Variants in TRIM62 observed in about 807,000 individuals in gnomAD.
TRIM62 encodes the protein E3 ubiquitin-protein ligase TRIM62.
In TRIM62, 39 loss-of-function variants were observed where a neutral mutation model predicts 44.2. The observed-to-expected ratio is 0.88, with a 90% CI of 0.68 to 1.15. The LOEUF is 1.15. TRIM62 is among the 50% of genes most tolerant of loss of function. TRIM62 has a pLI of 0.00. For synonymous variants in TRIM62, 278 were observed against 292.3 expected (o/e 0.95, Z 0.50); for missense variants, 544 against 665.5 (o/e 0.82, Z 2.01).
chr1:33,172,131 T>TG (rs950414179), intron 1 of TRIM62, among the ~76,000 whole-genome samples: 1 of 152,232 alleles, frequency 6.6e-6, no homozygotes, highest in African/African-American at 2.4e-5. Context: ...AGGCTTGCTC[T>TG]GGGAATGAAA....
intron 1 of TRIM62, chr1:33,176,439 G>A: frequency 1.4e-6 from 1 of 697,832 alleles, no homozygotes; most frequent in Non-Finnish European, 2.6e-6. Context: ...ATCCACTGCT[G>A]TCTTCTCTGG....
At position 33,158,168 on chromosome 1, in the gene TRIM62, G is replaced by A. The variant is rs558526355; in HGVS notation, c.877+85C>T. 4.0e-6 allele frequency: 5 copies of A among 1,261,926 alleles called. No individual in the cohort carries two copies. In the East Asian group the frequency reaches 7.0e-5, roughly 18 times the overall value. The allele number at this position is 1,261,926 out of a possible 1,614,324, so 78.2% of individuals were successfully genotyped here. A position where few individuals can be genotyped will look rare whatever the true frequency, so the allele number is the denominator to read the frequency against. On this transcript the variant is annotated intron_variant, in intron 4 of 4. Transcript: ENST00000291416. Reference sequence around the variant, plus strand: ...GGCACTCTGCTCATTCACCCCAACTGCCCCATGCTGTGTTTAGGACAGGGG... The same window carrying A: ...GGCACTCTGCTCATTCACCCCAACTACCCCATGCTGTGTTTAGGACAGGGG...
Position 33,181,433 on chromosome 1 carries a change from G to A in TRIM62, c.-1C>T, listed in dbSNP as rs1201764922. ...GCTCGTCCTTGAGGCTGCACGCCAT[G>A]GCGCCAGGGGCAGCAGAGAGGGGGG... is the stretch of plus-strand genomic sequence containing the variant. On this transcript the variant is annotated 5_prime_UTR_variant, in exon 1 of 5. Coordinates refer to ENST00000291416, the MANE Select transcript of TRIM62 (RefSeq NM_018207.3). The surrounding 1 kb of genome is among the most constrained non-coding windows in gnomAD (Gnocchi z 6.5). 2.5e-6 allele frequency: 4 copies of A among 1,591,568 alleles called. No individual in the cohort carries two copies. The highest frequency in any genetic ancestry group is 1.1e-5 in the South Asian group (1 of 88,742).
chr1:33,160,074 A>C, intron 2 of TRIM62, 130 bp from the exon 3 acceptor site: 1 of 1,179,556 alleles, frequency 8.5e-7, no homozygotes, highest in South Asian at 1.5e-5. Flanking sequence ...GGTGGGGGAA[A>C]TGTCACATGC....
At position 33,145,798 on chromosome 1, in the gene TRIM62, C is replaced by T; in HGVS notation, c.*1379G>A. The T allele has an allele frequency of 2.1e-6, 1 of 465,304 alleles. No individual in the cohort carries two copies. The highest frequency in any genetic ancestry group is 1.6e-5 in the South Asian group (1 of 63,482). The allele number at this position is 465,304 out of a possible 1,614,324, so 28.8% of individuals were successfully genotyped here. The stretch of plus-strand genomic sequence containing the variant: ...ACTCCACCCTCTCCCGAGTTCTTCA[C>T]GATTGGATGCTGTGGCAGAAAAACG... On this transcript the variant is annotated 3_prime_UTR_variant, in exon 5 of 5. Coordinates refer to ENST00000291416, the MANE Select transcript of TRIM62 (RefSeq NM_018207.3).
chr1:33,181,036 C>T lies in TRIM62; in HGVS notation c.397G>A (p.Asp133Asn). 2 of 1,461,216 alleles carry T rather than the reference C, an allele frequency of 1.4e-6. No individual in the cohort carries two copies. Among genetic ancestry groups the T allele is most frequent in the Non-Finnish European group, 1.8e-6 (2 of 1,096,394 alleles). 90.5% of individuals were successfully genotyped at this position (1,461,216 alleles called of 1,614,324 possible). A position where few individuals can be genotyped will look rare whatever the true frequency, so the allele number is the denominator to read the frequency against. The change falls in exon 1 of 5, where the codon GAC becomes AAC. Residue 133 changes from aspartate to asparagine, a missense_variant. Asp to Asn is a conservative substitution (Grantham distance 23). Transcript: ENST00000291416. The surrounding 1 kb of genome is among the most constrained non-coding windows in gnomAD (Gnocchi z 6.5). ...GCCGGGTAGCGCACCTGCAGCTCGT[C>T]GAAGGCGTCGTCGATGCCGGTGACC... ...HQVTGIDDAF[D>N]ELQRELKDQL... is the part of the protein sequence containing the mutation.
chr1:33,153,529 T>A (rs943396202), intron 4 of TRIM62, among the ~76,000 whole-genome samples: 1 of 152,180 alleles, frequency 6.6e-6, no homozygotes, highest in African/African-American at 2.4e-5. Context: ...CCACTAAACA[T>A]CCTGCAGAGC....
chr1:33,146,141 A>G lies in TRIM62; in HGVS notation c.*1036T>C, dbSNP rs937748844. The G allele has an allele frequency of 2.3e-5, 6 of 265,162 alleles. No homozygotes were observed. The highest frequency in any genetic ancestry group is 5.0e-5 in the Admixed American group (1 of 19,954). The allele number at this position is 265,162 out of a possible 1,614,324, so 16.4% of individuals were successfully genotyped here. ...CGCTGGGAGTTCCTGGAAATTCAGC[A>G]GAGTCTGCTTCTCCAGCTCTTCCAA... On this transcript the variant is annotated 3_prime_UTR_variant, in exon 5 of 5. Coordinates refer to ENST00000291416, the MANE Select transcript of TRIM62 (RefSeq NM_018207.3).
At chr1:33,180,341 G>C (rs534240376) in intron 1 of TRIM62, among the ~76,000 whole-genome samples, 1 of 152,086 alleles carries the variant, frequency 6.6e-6, no homozygotes, top group South Asian at 2.1e-4. Context: ...CTCTACTCTG[G>C]CTTAAATCTA....
chr1:33,160,890 C>A (rs1365176351), intron 2 of TRIM62, among the ~76,000 whole-genome samples: 1 of 152,216 alleles, frequency 6.6e-6, no homozygotes, highest in Admixed American at 6.5e-5. Context: ...TGTTTATAGA[C>A]AGGATCAGGG....
rs368974828 is a variant in TRIM62, at chr1:33,181,199, G to A, written c.234C>T (p.Phe78=). 71 of 1,588,732 alleles carry A rather than the reference G, an allele frequency of 4.5e-5. No individual in the cohort carries two copies. The East Asian group carries it at 1.2e-3, about 26-fold the overall frequency. ...LANIVERYSS[F]PLDAILNARR... The stretch of plus-strand genomic sequence containing the variant: ...GCGCGTTGAGGATGGCGTCCAGCGG[G>A]AAGGAGCTGTAGCGCTCCACGATGT... The change falls in exon 1 of 5, where the codon TTC becomes TTT. Residue 78 remains phenylalanine (F), a synonymous_variant. Transcript: ENST00000291416. The surrounding 1 kb of genome is among the most constrained non-coding windows in gnomAD (Gnocchi z 6.5).
rs962126988 is a variant in TRIM62, at chr1:33,167,795, C to T, written c.409-2229G>A. On this transcript the variant is annotated intron_variant, in intron 1 of 4. Coordinates refer to ENST00000291416, the MANE Select transcript of TRIM62 (RefSeq NM_018207.3). The surrounding 1 kb of genome is among the most constrained non-coding windows in gnomAD (Gnocchi z 4.2). ...ATTAATTTTACAGACTAGGCAGCAA[C>T]ATGGGAAAATATTCATGATGACATG... 2.6e-5 allele frequency among the ~76,000 whole-genome samples: 4 copies of T among 152,150 alleles called. No homozygotes were observed. The highest frequency in any genetic ancestry group is 5.9e-5 in the Non-Finnish European group (4 of 68,022).
chr1:33,147,199 C>T lies in TRIM62; in HGVS notation c.1406G>A (p.Arg469Gln), dbSNP rs142555750. 1.6e-4 allele frequency: 253 copies of T among 1,613,496 alleles called. No homozygotes were observed. Among genetic ancestry groups the T allele is most frequent in the Non-Finnish European group, 2.0e-4 (232 of 1,179,976 alleles). Residue 469 changes from arginine to glutamine, a missense_variant, in exon 5 of 5, where the codon CGG (arginine) becomes CAG (glutamine). By Grantham distance (43) the Arg-to-Gln change is conservative (BLOSUM62 1). Transcript: ENST00000291416. The surrounding 1 kb of genome is among the most constrained non-coding windows in gnomAD (Gnocchi z 8.1). ...GGACTAGATGCGGACGGTGTTGATCCGCAGCGGCTGAACGTTCTTGCCATT... is the reference window on the plus strand; with the variant it reads ...GGACTAGATGCGGACGGTGTTGATCTGCAGCGGCTGAACGTTCTTGCCATT... Reference protein sequence around the residue: ...HANGKNVQPLRINTVRI With the variant: ...HANGKNVQPLQINTVRI
intron 1 of TRIM62, among the ~76,000 whole-genome samples, chr1:33,173,336 C>T (rs569107716): frequency 1.3e-5 from 2 of 152,216 alleles, no homozygotes; most frequent in Non-Finnish European, 2.9e-5. Context: ...CTTGCCTGCT[C>T]ACATTTGTTT....
At chr1:33,154,684 G>T (rs916867907) in intron 4 of TRIM62, among the ~76,000 whole-genome samples, 10 of 151,654 alleles carry the variant, frequency 6.6e-5, no homozygotes, top group Admixed American at 1.3e-4. Context: ...TGTAATCCCA[G>T]CTACTTGGGA....
At chr1:33,172,256 G>T (rs1351519684) in intron 1 of TRIM62, among the ~76,000 whole-genome samples, 1 of 152,210 alleles carries the variant, frequency 6.6e-6, no homozygotes, top group African/African-American at 2.4e-5. Flanking sequence ...GGAGCTTCAA[G>T]GAAGGAGTTT....
At position 33,181,324 on chromosome 1, in the gene TRIM62, C is replaced by G. The variant is rs757221267; in HGVS notation, c.109G>C (p.Glu37Gln). 6.4e-7 allele frequency: 1 copy of G among 1,573,092 alleles called. No individual in the cohort carries two copies. The highest frequency in any genetic ancestry group is 1.2e-5 in the South Asian group (1 of 86,784). The change falls in exon 1 of 5, where the codon GAG becomes CAG. Residue 37 changes from glutamate to glutamine, a missense_variant. Transcript: ENST00000291416. The surrounding 1 kb of genome is among the most constrained non-coding windows in gnomAD (Gnocchi z 6.5). ...TGCGCCTCCTGCCGCACCCAGTGCT[C>G]CGTGATGCAGCGGCGGCAGAAGTAA... ...EHYFCRRCITEHWVRQEAQGA... is the reference protein window; with the variant it reads ...EHYFCRRCITQHWVRQEAQGA...
In TRIM62 at chr1:33,146,014, G is replaced by A. The variant is rs189172676; in HGVS notation, c.*1163C>T. On this transcript the variant is annotated 3_prime_UTR_variant, in exon 5 of 5. Transcript: ENST00000291416. ...GGACATCTATTGGCTGGCACGGACCGTGGCAGAGGGAGCCTAGTTCTGCAG... is the reference window on the plus strand; with the variant it reads ...GGACATCTATTGGCTGGCACGGACCATGGCAGAGGGAGCCTAGTTCTGCAG... The A allele has an allele frequency of 3.7e-3, 1,553 of 425,188 alleles. 9 individuals carry two copies. Among genetic ancestry groups the A allele is most frequent in the Admixed American group, 7.5e-3 (266 of 35,438 alleles). 26.3% of individuals were successfully genotyped at this position (425,188 alleles called of 1,614,324 possible).
At chr1:33,174,945 G>GTGTATATATATATA (rs1172648170) in intron 1 of TRIM62, among the ~76,000 whole-genome samples, 9 of 141,750 alleles carry the variant, frequency 6.3e-5, no homozygotes, top group African/African-American at 2.5e-4. Context: ...ATATATGTGT[G>GTGTATATATATATA]TATATATATA....
Sources: allele counts gnomAD v4.1 joint callset (sites outside exome capture counted in the v4.1 genomes callset), GRCh38; gene constraint gnomAD v4.1.1; non-coding constraint Gnocchi (gnomAD v3.1); transcripts MANE v1.5; gene names NCBI Gene and HGNC (gene_info 2026-07-23, HGNC 2026-07-21).